Variants in PDS5B observed in about 807,000 individuals in gnomAD.
PDS5B encodes the protein PDS5 cohesin associated factor B, also known as sister chromatid cohesion protein PDS5 homolog B.
Under a neutral mutation model 184.1 loss-of-function variants are expected in PDS5B, and 51 were observed. The ratio of observed to expected loss-of-function variants is 0.28; its 90% confidence interval spans 0.22 to 0.35. The LOEUF (loss-of-function observed/expected upper bound fraction) is 0.35, where lower values mean the gene tolerates loss of function less well. PDS5B is among the 10% of genes least tolerant of loss of function. The pLI, the probability that PDS5B is intolerant of heterozygous loss-of-function variation, is 1.00. For missense variants in PDS5B, 1,180 were observed against 1,723.3 expected, an observed-to-expected ratio of 0.68 and a Z score of 5.58; for synonymous variants, 566 against 569.2, an observed-to-expected ratio of 0.99 and a Z score of 0.08.
chr13:32,602,774 T>C (rs1445878732), intron 1 of PDS5B, among the ~76,000 whole-genome samples: 1 of 152,212 alleles, frequency 6.6e-6, no homozygotes, highest in East Asian at 1.9e-4. Flanking sequence ...TCCTGACTTT[T>C]TAAAGATCGC....
chr13:32,630,369 G>C (rs139330115), intron 1 of PDS5B, among the ~76,000 whole-genome samples: 1 of 152,124 alleles, frequency 6.6e-6, no homozygotes, highest in African/African-American at 2.4e-5. Context: ...GACATTTTTG[G>C]TTGTCACAAC....
chr13:32,698,627 T>C (rs942815218), intron 15 of PDS5B, among the ~76,000 whole-genome samples: 2 of 152,246 alleles, frequency 1.3e-5, no homozygotes, highest in Non-Finnish European at 2.9e-5. Context: ...TATTAAGTCA[T>C]TTAAATATCT....
At chr13:32,770,912 A>AT in intron 33 of PDS5B, 151 bp downstream of exon 33, 1 of 630,172 alleles carries the variant, frequency 1.6e-6, no homozygotes, top group Non-Finnish European at 2.8e-6. Flanking sequence ...TACCTTAGTG[A>AT]TTGATATCTC....
chr13:32,597,778 C>A (rs1273111557), intron 1 of PDS5B, among the ~76,000 whole-genome samples: 1 of 150,160 alleles, frequency 6.7e-6, no homozygotes, highest in South Asian at 2.1e-4. Flanking sequence ...ACCTGGGAGG[C>A]AGAGGTTGCA....
At chr13:32,644,357 T>C (rs2140636555) in intron 1 of PDS5B, among the ~76,000 whole-genome samples, 1 of 152,324 alleles carries the variant, frequency 6.6e-6, no homozygotes, top group South Asian at 2.1e-4. Context: ...GGACGTAACC[T>C]TATTGTAAGT....
At chr13:32,648,048 A>G (rs1270036430) in intron 1 of PDS5B, among the ~76,000 whole-genome samples, 3 of 152,210 alleles carry the variant, frequency 2.0e-5, no homozygotes, top group Admixed American at 1.3e-4. Flanking sequence ...GCAAGTGTGC[A>G]GGCCCATGGC....
intron 1 of PDS5B, among the ~76,000 whole-genome samples, chr13:32,609,823 C>T (rs1247768038): frequency 2.6e-5 from 4 of 151,396 alleles, no homozygotes; most frequent in African/African-American, 4.9e-5. Flanking sequence ...TTGCTGCATC[C>T]GTTGGTGGAA....
intron 6 of PDS5B, among the ~76,000 whole-genome samples, chr13:32,666,121 C>T (rs1593376116): frequency 1.3e-5 from 2 of 152,130 alleles, no homozygotes; most frequent in African/African-American, 4.8e-5. Flanking sequence ...CACTCTGTCA[C>T]CCAGGCTGGA....
intron 19 of PDS5B, among the ~76,000 whole-genome samples, chr13:32,711,605 G>T (rs556118163): frequency 6.6e-6 from 1 of 152,044 alleles, no homozygotes; most frequent in Admixed American, 6.5e-5. Context: ...TGATCTGCCC[G>T]CTTCCGCCTC....
At chr13:32,687,378 A>G in intron 12 of PDS5B, 93 bp downstream of exon 12, 1 of 935,912 alleles carries the variant, frequency 1.1e-6, no homozygotes, top group Admixed American at 3.2e-5. Flanking sequence ...ATGACCTTAC[A>G]CTCCTTCCTC....
At chr13:32,714,094 GA>G (rs1952292598) in intron 19 of PDS5B, among the ~76,000 whole-genome samples, 1 of 152,206 alleles carries the variant, frequency 6.6e-6, no homozygotes, top group African/African-American at 2.4e-5. Flanking sequence ...TTCAAAAGGG[GA>G]GGGAGTGTGT....
intron 10 of PDS5B, among the ~76,000 whole-genome samples, chr13:32,679,364 A>G (rs1036866074): frequency 6.6e-6 from 1 of 152,168 alleles, no homozygotes; most frequent in Non-Finnish European, 1.5e-5. Flanking sequence ...CTATGTAGGA[A>G]CTATGCTGTA....
At chr13:32,713,540 A>T (rs1952273626) in intron 19 of PDS5B, among the ~76,000 whole-genome samples, 1 of 152,200 alleles carries the variant, frequency 6.6e-6, no homozygotes, top group Non-Finnish European at 1.5e-5. Flanking sequence ...TATAGAATAT[A>T]ATTTAATATA....
chr13:32,680,684 A>T (rs893275922), intron 10 of PDS5B, among the ~76,000 whole-genome samples: 2 of 152,164 alleles, frequency 1.3e-5, no homozygotes, highest in African/African-American at 4.8e-5. Flanking sequence ...AACAGCCTTC[A>T]CCCAGTCCTT....
At chr13:32,739,649 A>T (rs1294294217) in intron 21 of PDS5B, among the ~76,000 whole-genome samples, 1 of 152,196 alleles carries the variant, frequency 6.6e-6, no homozygotes, top group Non-Finnish European at 1.5e-5. Flanking sequence ...TGAAAGAGAT[A>T]TATTCACATA....
chr13:32,604,254 A>G (rs1216013508), intron 1 of PDS5B, among the ~76,000 whole-genome samples: 1 of 152,188 alleles, frequency 6.6e-6, no homozygotes, highest in Non-Finnish European at 1.5e-5. Context: ...CGTCCCATCA[A>G]TACCTAGTTT....
chr13:32,716,778 G>A (rs1172514525), intron 19 of PDS5B, among the ~76,000 whole-genome samples: 4 of 122,430 alleles, frequency 3.3e-5, no homozygotes, highest in Admixed American at 7.7e-5. Context: ...CAGCCGCCCC[G>A]TCCGGGAGGG....
At chr13:32,673,585 C>T (rs961014816) in intron 8 of PDS5B, among the ~76,000 whole-genome samples, 2 of 152,124 alleles carry the variant, frequency 1.3e-5, no homozygotes, top group African/African-American at 2.4e-5. Flanking sequence ...TGGTATTTTC[C>T]TCCAGACATT....
intron 19 of PDS5B, among the ~76,000 whole-genome samples, chr13:32,728,055 C>T (rs1952971228): frequency 6.6e-6 from 1 of 151,724 alleles, no homozygotes; most frequent in South Asian, 2.1e-4. Flanking sequence ...TTTTCTCTTG[C>T]AGTGTATAAT....
Sources: gnomAD v4.1 joint callset for allele counts (sites outside exome capture counted in the v4.1 genomes callset) on GRCh38, gnomAD v4.1.1 for gene constraint, MANE v1.5 for transcripts, NCBI Gene and HGNC (gene_info 2026-07-23, HGNC 2026-07-21) for gene names.